GREB1L: variants seen among roughly 807,000 people sequenced by gnomAD.
GREB1L encodes GREB1 like retinoic acid receptor coactivator.
GREB1L carries 17 observed loss-of-function variants against 200.8 expected under a neutral mutation model. The observed-to-expected ratio is 0.08, with a 90% confidence interval of 0.06 to 0.13. GREB1L has a LOEUF of 0.13. Ranked by LOEUF, GREB1L falls within the 10% of genes least tolerant of loss-of-function variation. The pLI is 1.00. For missense variants in GREB1L, 1,657 were observed against 2,367.7 expected (o/e 0.70, Z 6.23); for synonymous variants, 789 against 893.0 (o/e 0.88, Z 2.08).
intron 19 of GREB1L, among the ~76,000 whole-genome samples, chr18:21,492,131 G>T (rs1598921271): frequency 6.6e-6 from 1 of 152,046 alleles, no homozygotes; most frequent in East Asian, 1.9e-4. Context: ...CGGATCACAA[G>T]GTCAGGAGAT....
At chr18:21,454,094 T>C (rs1218019011) in intron 14 of GREB1L, among the ~76,000 whole-genome samples, 1 of 152,196 alleles carries the variant, frequency 6.6e-6, no homozygotes, top group Non-Finnish European at 1.5e-5. Flanking sequence ...GATAGGGGTG[T>C]TGAATTAGGC....
chr18:21,393,938 G>T (rs1419267809), intron 4 of GREB1L, among the ~76,000 whole-genome samples: 1 of 152,186 alleles, frequency 6.6e-6, no homozygotes, highest in Non-Finnish European at 1.5e-5. Context: ...AATGGCTTAG[G>T]TAAAATGAAG....
intron 17 of GREB1L, chr18:21,485,322 G>T (rs969403654): frequency 4.2e-6 from 1 of 239,670 alleles, no homozygotes; most frequent in Non-Finnish European, 8.1e-6. Context: ...TGAGAATTGA[G>T]GCTGTCTGAC....
At chr18:21,397,054 T>C (rs2041094948) in intron 5 of GREB1L, among the ~76,000 whole-genome samples, 1 of 152,178 alleles carries the variant, frequency 6.6e-6, no homozygotes, top group Non-Finnish European at 1.5e-5. Flanking sequence ...AGTTATATAG[T>C]GTCATCAGAA....
intron 1 of GREB1L, among the ~76,000 whole-genome samples, chr18:21,311,691 A>G (rs1369786165): frequency 6.6e-6 from 1 of 152,134 alleles, no homozygotes; most frequent in African/African-American, 2.4e-5. Flanking sequence ...GGTTGGTGCA[A>G]TCGAATATAA....
At chr18:21,480,593 T>C (rs1407078659) in intron 17 of GREB1L, among the ~76,000 whole-genome samples, 2 of 152,184 alleles carry the variant, frequency 1.3e-5, no homozygotes, top group Non-Finnish European at 2.9e-5. Flanking sequence ...TCCTGATGAT[T>C]AGCGTCCTTT....
intron 7 of GREB1L, among the ~76,000 whole-genome samples, chr18:21,430,555 CACTCTTAAGGTGATTGATTTGGGATCT>C (rs2033056618): frequency 8.6e-6 from 1 of 116,910 alleles, no homozygotes; most frequent in African/African-American, 3.1e-5. Context: ...GATTTGGGAT[CACTCTTAAGGTGATTGATTTGGGATCT>C]TTTTTTTTTT....
chr18:21,458,609 A>G (rs1349352774), intron 15 of GREB1L, among the ~76,000 whole-genome samples: 2 of 152,148 alleles, frequency 1.3e-5, no homozygotes, highest in Non-Finnish European at 1.5e-5. Context: ...ACTAAAGTGA[A>G]GCATTTGAAA....
intron 15 of GREB1L, among the ~76,000 whole-genome samples, chr18:21,457,275 A>G (rs776202787): frequency 4.5e-5 from 5 of 110,332 alleles, no homozygotes; most frequent in Admixed American, 8.5e-5. Context: ...TAGAATCCAG[A>G]AAAAAAAAAA....
At chr18:21,496,186 C>T (rs189469475) in intron 20 of GREB1L, among the ~76,000 whole-genome samples, 92 of 152,252 alleles carry the variant, frequency 6.0e-4, no homozygotes, top group African/African-American at 2.2e-3. Flanking sequence ...TCAGGCAGTG[C>T]CCTAAATGCC....
chr18:21,440,690 G>C (rs2033849834), intron 9 of GREB1L, among the ~76,000 whole-genome samples: 1 of 152,154 alleles, frequency 6.6e-6, no homozygotes, highest in South Asian at 2.1e-4. Context: ...AGTGGTGTTA[G>C]ATTTTCCCTG....
intron 1 of GREB1L, among the ~76,000 whole-genome samples, chr18:21,268,560 C>CATATATATATATATAT (rs370094258): frequency 2.0e-4 from 13 of 63,532 alleles, no homozygotes; most frequent in African/African-American, 6.7e-4. Flanking sequence ...CACACACACA[C>CATATATATATATATAT]ATATATATAT....
At chr18:21,308,049 C>T (rs2038730575) in intron 1 of GREB1L, among the ~76,000 whole-genome samples, 1 of 152,176 alleles carries the variant, frequency 6.6e-6, no homozygotes, top group African/African-American at 2.4e-5. Context: ...TTGGATGTGC[C>T]ATCTGTTTCC....
chr18:21,256,507 G>C (rs2037800775), intron 1 of GREB1L, among the ~76,000 whole-genome samples: 1 of 151,978 alleles, frequency 6.6e-6, no homozygotes, highest in Admixed American at 6.6e-5. Context: ...CATTCCCCAG[G>C]GTGATGTGAA....
At chr18:21,442,325 A>G (rs1448578019) in intron 10 of GREB1L, among the ~76,000 whole-genome samples, 2 of 152,136 alleles carry the variant, frequency 1.3e-5, no homozygotes, top group African/African-American at 2.4e-5. Flanking sequence ...GTTTACATGC[A>G]GTGTTATTTG....
At chr18:21,257,699 C>T (rs1369331967) in intron 1 of GREB1L, among the ~76,000 whole-genome samples, 2 of 152,162 alleles carry the variant, frequency 1.3e-5, no homozygotes, top group Non-Finnish European at 2.9e-5. Context: ...ATATGTATGT[C>T]AGAGTATGTG....
chr18:21,379,024 C>T (rs1487208607), intron 2 of GREB1L, among the ~76,000 whole-genome samples: 1 of 152,068 alleles, frequency 6.6e-6, no homozygotes, highest in Admixed American at 6.6e-5. Flanking sequence ...CATGAGCCAC[C>T]AGGCCCAGCC....
At position 21,522,664 on chromosome 18, in the gene GREB1L, C is replaced by T; in HGVS notation, c.5615C>T (p.Thr1872Ile). ...LKKFKFLKGA[T>I]LCVICQDRSS... The stretch of plus-strand genomic sequence containing the variant: ...TCTGTCTTTTTTCCTGAAGGTGCTA[C>T]ACTGTGTGTCATCTGCCAAGACAGA... Residue 1872 changes from threonine to isoleucine, a missense_variant, in exon 33 of 33, where the codon ACA becomes ATA. By Grantham distance (89) the Thr-to-Ile change is moderately conservative. Transcript: ENST00000424526. 1 of 1,551,270 alleles carries T rather than the reference C, an allele frequency of 6.4e-7. No homozygotes were observed. The highest frequency in any genetic ancestry group is 8.7e-7 in the Non-Finnish European group (1 of 1,146,770).
chr18:21,447,461 G>A (rs1312116470), intron 11 of GREB1L, among the ~76,000 whole-genome samples: 4 of 152,090 alleles, frequency 2.6e-5, no homozygotes, highest in South Asian at 2.1e-4. Context: ...GTATAAAAGC[G>A]AGCTTTAAGG....
Sources: gnomAD v4.1 joint callset for allele counts (sites outside exome capture counted in the v4.1 genomes callset) on GRCh38, gnomAD v4.1.1 for gene constraint, MANE v1.5 for transcripts, NCBI Gene and HGNC (gene_info 2026-07-23, HGNC 2026-07-21) for gene names.